EXOC7: variants seen among roughly 807,000 people sequenced by gnomAD.
EXOC7 encodes the protein exocyst complex component Exo70.
A neutral mutation model predicts 87.6 loss-of-function variants in EXOC7; 51 were observed. The observed-to-expected ratio is 0.58, with a 90% CI of 0.46 to 0.73. The LOEUF is 0.73. EXOC7 is among the 30% of genes least tolerant of loss of function. The probability of loss-of-function intolerance (pLI) is 0.00; values close to 1 mark genes in which losing one functional copy is unlikely to be tolerated. For missense variants in EXOC7, 744 were observed against 888.4 expected (o/e 0.84, Z 2.07); for synonymous variants, 327 against 357.1 (o/e 0.92, Z 0.95).
At chr17:76,101,990 C>T in intron 2 of EXOC7, 127 bp from the exon 3 acceptor site, 1 of 683,244 alleles carries the variant, frequency 1.5e-6, no homozygotes, top group South Asian at 2.0e-5. Context: ...AGCGAAGGAA[C>T]AGGGTGTACC....
rs1052026027 is a variant in EXOC7 at position 76,082,382 on chromosome 17, G to A, written c.*1266C>T. On this transcript the variant is annotated 3_prime_UTR_variant, in exon 19 of 19. Transcript: ENST00000589210. ...TCTAAGAAAGGAAGCGATACAGGCT[G>A]ATGACCCCTGGGGTTCGCTCTTCCG... is the stretch of plus-strand genomic sequence containing the variant. 1.4e-6 allele frequency: 2 copies of A among 1,398,464 alleles called. No individual in the cohort carries two copies. Among genetic ancestry groups the A allele is most frequent in the Non-Finnish European group, 9.7e-7 (1 of 1,029,684 alleles). 86.6% of individuals were successfully genotyped at this position (1,398,464 alleles called of 1,614,324 possible).
chr17:76,094,873 A>G (rs1469509110), intron 5 of EXOC7, among the ~76,000 whole-genome samples: 5 of 151,758 alleles, frequency 3.3e-5, no homozygotes, highest in African/African-American at 1.2e-4. Flanking sequence ...AGCCTCCCAG[A>G]GTGCTGGGAT....
Position 76,081,157 on chromosome 17 carries a change from G to A in EXOC7, c.*2491C>T. ...TTCTATGGATCGGTTTTGTGTCCAA[G>A]TCTGTCCCTGCCAAAAGCCATCAAA... On this transcript the variant is annotated 3_prime_UTR_variant, in exon 19 of 19. Coordinates refer to ENST00000589210, the MANE Select transcript of EXOC7 (RefSeq NM_001013839.4). 1.4e-6 allele frequency: 2 copies of A among 1,425,948 alleles called. No individual in the cohort carries two copies. The highest frequency in any genetic ancestry group is 1.9e-6 in the Non-Finnish European group (2 of 1,044,630). 88.3% of individuals were successfully genotyped at this position (1,425,948 alleles called of 1,614,324 possible).
Position 76,088,459 on chromosome 17 carries a change from G to C in EXOC7, c.1299+5C>G, listed in dbSNP as rs1314686586. 6.2e-7 allele frequency: 1 copy of C among 1,613,044 alleles called. No individual in the cohort carries two copies. The highest frequency in any genetic ancestry group is 1.3e-5 in the African/African-American group (1 of 75,018). On this transcript the variant is annotated splice_donor_5th_base_variant and intron_variant, in intron 10 of 18. Coordinates refer to ENST00000589210, the MANE Select transcript of EXOC7 (RefSeq NM_001013839.4). ...GGGAGGGAGAAAGGGGAGGACAGCA[G>C]GGACCTTGATGTTGTCTGCGAAGTC...
At chr17:76,086,209 C>T in intron 12 of EXOC7, 64 bp from the exon 13 acceptor site, 1 of 1,489,664 alleles carries the variant, frequency 6.7e-7, no homozygotes, top group Non-Finnish European at 9.2e-7. Context: ...GCCCTTCCCC[C>T]AGGCCATGCA....
At chr17:76,084,225 G>A (rs2067104610) in intron 17 of EXOC7, 23 bp downstream of exon 17, 1 of 1,609,380 alleles carries the variant, frequency 6.2e-7, no homozygotes. Context: ...GCAAGCAGTG[G>A]AGGGGAGAGG....
intron 5 of EXOC7, among the ~76,000 whole-genome samples, chr17:76,096,793 T>C (rs1328725501): frequency 1.3e-5 from 2 of 152,074 alleles, no homozygotes; most frequent in Non-Finnish European, 2.9e-5. Flanking sequence ...TGACCTCAGG[T>C]GATCCGCCCA....
At chr17:76,097,540 C>T (rs960033642) in intron 5 of EXOC7, among the ~76,000 whole-genome samples, 1 of 151,324 alleles carries the variant, frequency 6.6e-6, no homozygotes, top group Non-Finnish European at 1.5e-5. Context: ...CCCATCTCTA[C>T]TAACAATACA....
chr17:76,090,984 TGTGCCC>T, intron 7 of EXOC7, 153 bp downstream of exon 7: 1 of 693,192 alleles, frequency 1.4e-6, no homozygotes, highest in Non-Finnish European at 2.6e-6. Context: ...AAACTGTCCC[TGTGCCC>T]GCTGAAGCCC....
At chr17:76,099,575 T>C (rs1032003314) in intron 4 of EXOC7, among the ~76,000 whole-genome samples, 16 of 152,132 alleles carry the variant, frequency 1.1e-4, no homozygotes, top group African/African-American at 3.4e-4. Flanking sequence ...GAATATCATA[T>C]GGCATGAAAA....
intron 4 of EXOC7, among the ~76,000 whole-genome samples, chr17:76,098,779 A>C (rs1302097534): frequency 6.6e-6 from 1 of 150,798 alleles, no homozygotes; most frequent in East Asian, 2.0e-4. Flanking sequence ...GGCAGGAGAA[A>C]GGTGTGAACC....
At chr17:76,089,492 C>G (rs374709639) in intron 7 of EXOC7, 172 bp from the exon 8 acceptor site, 43 of 752,162 alleles carry the variant, frequency 5.7e-5, no homozygotes, top group East Asian at 1.6e-4. Context: ...CCGCCAGGTT[C>G]GAGGGGAATA....
At chr17:76,087,018 C>T (rs1220677119) in intron 12 of EXOC7, 11 of 752,136 alleles carry the variant, frequency 1.5e-5, no homozygotes, top group Non-Finnish European at 2.0e-5. Context: ...CCTCTCCCCA[C>T]GACAGCCAAA....
Position 76,101,855 on chromosome 17 carries a change from G to A in EXOC7, c.135C>T (p.Ile45=). ...SDQLTKNMVS[I]LSSFESRLMK... is the part of the protein sequence containing the mutation. ...TAAGGCGGCTCTCAAAGGATGATAA[G>A]ATAGACACCTGCGGGAGGGAAGCCT... Residue 45 remains isoleucine, a synonymous_variant, in exon 3 of 19, where the codon ATC becomes ATT. Transcript: ENST00000589210. The A allele has an allele frequency of 4.3e-6, 7 of 1,612,326 alleles. No homozygotes were observed. Among genetic ancestry groups the A allele is most frequent in the Non-Finnish European group, 5.9e-6 (7 of 1,179,090 alleles).
At chr17:76,091,013 G>A (rs1416388773) in intron 7 of EXOC7, 130 bp downstream of exon 7, 1 of 767,324 alleles carries the variant, frequency 1.3e-6, no homozygotes, top group Non-Finnish European at 2.3e-6. Flanking sequence ...GTGGCATCGG[G>A]GACCTGCCGT....
At chr17:76,101,165 T>G (rs1173185349) in intron 4 of EXOC7, 106 bp downstream of exon 4, 1 of 1,589,932 alleles carries the variant, frequency 6.3e-7, no homozygotes, top group African/African-American at 1.3e-5. Context: ...TATATCCTTC[T>G]GTGTATTCTA....
rs1376924183 is a variant in EXOC7, at chr17:76,103,779, C to G, written c.-87G>C. The G allele has an allele frequency of 6.9e-7, 1 of 1,440,648 alleles. No individual in the cohort carries two copies. Among genetic ancestry groups the G allele is most frequent in the Admixed American group, 2.2e-5 (1 of 44,962 alleles). 89.2% of individuals were successfully genotyped at this position (1,440,648 alleles called of 1,614,324 possible). A position where few individuals can be genotyped will look rare whatever the true frequency, so the allele number is the denominator to read the frequency against. On this transcript the variant is annotated 5_prime_UTR_variant, in exon 1 of 19. Coordinates refer to ENST00000589210, the MANE Select transcript of EXOC7 (RefSeq NM_001013839.4). ...CGTCCCCGTCACACCCACTTCCGCT[C>G]TTGGTCCCGCCCCGGGACGCCTGGG... is the stretch of plus-strand genomic sequence containing the variant.
At chr17:76,091,841 G>A (rs933761295) in intron 6 of EXOC7, among the ~76,000 whole-genome samples, 9 of 152,254 alleles carry the variant, frequency 5.9e-5, no homozygotes, top group Middle Eastern at 3.4e-3. Context: ...AACCACCAAA[G>A]CGACAAGAAA....
At chr17:76,091,378 C>A in intron 6 of EXOC7, 143 bp from the exon 7 acceptor site, 1 of 642,934 alleles carries the variant, frequency 1.6e-6, no homozygotes. Context: ...CCACCAGAGA[C>A]GCTGGGGACA....
Sources: allele counts gnomAD v4.1 joint callset (sites outside exome capture counted in the v4.1 genomes callset), GRCh38; gene constraint gnomAD v4.1.1; transcripts MANE v1.5; gene names NCBI Gene and HGNC (gene_info 2026-07-23, HGNC 2026-07-21).